DEPDC5: variants seen among roughly 807,000 people sequenced by gnomAD.
DEPDC5 encodes the protein GATOR1 complex protein DEPDC5.
In DEPDC5, 73 loss-of-function variants were observed where a neutral mutation model predicts 217.3. The observed-to-expected ratio is 0.34, with a 90% CI of 0.28 to 0.41. The LOEUF is 0.41. Among genes scored for constraint, DEPDC5 ranks in the 10% least tolerant of loss-of-function variants. DEPDC5 has a pLI of 1.00. For missense variants in DEPDC5, 1,675 were observed against 2,070.1 expected (o/e 0.81, Z 3.70); for synonymous variants, 733 against 756.7 (o/e 0.97, Z 0.51).
At chr22:31,803,342 C>T (rs1275696757) in intron 15 of DEPDC5, among the ~76,000 whole-genome samples, 1 of 152,084 alleles carries the variant, frequency 6.6e-6, no homozygotes, top group Non-Finnish European at 1.5e-5. Flanking sequence ...TCCCAAGTAG[C>T]TGGGACTACA....
intron 24 of DEPDC5, among the ~76,000 whole-genome samples, chr22:31,828,062 C>T (rs957429842): frequency 6.6e-6 from 1 of 152,196 alleles, no homozygotes; most frequent in Non-Finnish European, 1.5e-5. Context: ...TGCCACCTGG[C>T]ATGCTAGATT....
At position 31,906,040 on chromosome 22, in the gene DEPDC5, A is replaced by G; in HGVS notation, c.4493A>G (p.Asn1498Ser). The change falls in exon 42 of 43, where the codon AAC (asparagine) becomes AGC (serine). Residue 1498 changes from asparagine to serine, a missense_variant. Asn to Ser is a conservative substitution (Grantham distance 46). Around this residue, in one of 11 missense-constraint regions of DEPDC5, gnomAD observed 182 missense variants for 290.1 expected, o/e 0.63. Coordinates refer to ENST00000651528, the MANE Select transcript of DEPDC5 (RefSeq NM_001242896.3). This position sits in a 1 kb window ranked among gnomAD's most constrained non-coding sequence, Gnocchi z 5.1. ...SASAFNFPAE[N>S]KPQYIHVTGT... The stretch of plus-strand genomic sequence containing the variant: ...TCTGCTTTTAACTTCCCTGCTGAGA[A>G]CAAGCCTCAGTATATCCACGTTACA... The G allele has an allele frequency of 6.2e-7, 1 of 1,614,150 alleles. No individual in the cohort carries two copies.
intron 38 of DEPDC5, chr22:31,880,287 A>G (rs1280130542): frequency 6.2e-6 from 1 of 161,224 alleles, no homozygotes; most frequent in African/African-American, 2.4e-5. Flanking sequence ...CCATTCCTGC[A>G]GCTCTAAGAT....
At position 31,784,866 on chromosome 22, in the gene DEPDC5, C is replaced by T; in HGVS notation, c.615C>T (p.Thr205=). The T allele has an allele frequency of 6.2e-7, 1 of 1,612,374 alleles. No individual in the cohort carries two copies. Among genetic ancestry groups the T allele is most frequent in the Non-Finnish European group, 8.5e-7 (1 of 1,179,352 alleles). The stretch of plus-strand genomic sequence containing the variant: ...ATGGTTTCCTTGCTGATCTATTTAC[C>T]AAGTGGAAGGTACATTTCTTCTTAC... ...AVNGFLADLF[T]KWKEKNCSHE... is the part of the protein sequence containing the mutation. Residue 205 remains threonine, a synonymous_variant, in exon 10 of 43, where the codon ACC becomes ACT. Transcript: ENST00000651528.
intron 34 of DEPDC5, among the ~76,000 whole-genome samples, chr22:31,872,311 C>G (rs1299612369): frequency 6.6e-6 from 1 of 152,200 alleles, no homozygotes; most frequent in South Asian, 2.1e-4. Context: ...TCAGCAGTTC[C>G]TTTAGTCAGT....
intron 38 of DEPDC5, among the ~76,000 whole-genome samples, chr22:31,887,793 A>T (rs1309335212): frequency 3.3e-5 from 5 of 152,104 alleles, no homozygotes; most frequent in Non-Finnish European, 1.5e-5. Flanking sequence ...AGGATATGAG[A>T]GGTTTCTTCC....
intron 15 of DEPDC5, 134 bp from the exon 16 acceptor site, chr22:31,804,028 C>T: frequency 1.3e-6 from 1 of 751,078 alleles, no homozygotes; most frequent in Non-Finnish European, 2.2e-6. Flanking sequence ...GGATAGGCAG[C>T]ACTATGAGGT....
chr22:31,771,174 G>A (rs975889543), intron 7 of DEPDC5, among the ~76,000 whole-genome samples: 1 of 152,038 alleles, frequency 6.6e-6, no homozygotes, highest in Non-Finnish European at 1.5e-5. Flanking sequence ...TTTTAATTAA[G>A]TCATCCCTTC....
chr22:31,764,810 G>A (rs761095684), intron 4 of DEPDC5, among the ~76,000 whole-genome samples, 165 bp from the exon 5 acceptor site: 1 of 152,068 alleles, frequency 6.6e-6, no homozygotes, highest in Non-Finnish European at 1.5e-5. Context: ...CACCTAAAAA[G>A]CAGAGAATTG....
intron 2 of DEPDC5, among the ~76,000 whole-genome samples, chr22:31,757,774 A>T (rs540934595): frequency 6.6e-6 from 1 of 151,780 alleles, no homozygotes; most frequent in Non-Finnish European, 1.5e-5. Context: ...TTATTTATTT[A>T]TTTTTTTGAG....
intron 36 of DEPDC5, 33 bp from the exon 37 acceptor site, chr22:31,876,124 G>A (rs1179530680): frequency 1.2e-6 from 2 of 1,606,254 alleles, no homozygotes; most frequent in Non-Finnish European, 1.7e-6. Flanking sequence ...ATGCCTCTCT[G>A]CAGGAATTTC....
chr22:31,837,458 T>C, intron 26 of DEPDC5: 1 of 418,246 alleles, frequency 2.4e-6, no homozygotes, highest in Admixed American at 4.1e-5. Flanking sequence ...ACAAACAGTC[T>C]TTCCACCTCA....
chr22:31,842,373 C>G (rs1354268947), intron 27 of DEPDC5, among the ~76,000 whole-genome samples: 1 of 152,044 alleles, frequency 6.6e-6, no homozygotes, highest in Non-Finnish European at 1.5e-5. Context: ...GTTGGGAGTT[C>G]AAGACCAGCC....
chr22:31,891,295 A>G (rs985200356), intron 38 of DEPDC5: 14 of 494,914 alleles, frequency 2.8e-5, no homozygotes, highest in Non-Finnish European at 4.6e-5. Flanking sequence ...CATATCACTT[A>G]AAATCATTAT....
chr22:31,817,811 A>G (rs1338129996), intron 21 of DEPDC5, among the ~76,000 whole-genome samples: 1 of 151,502 alleles, frequency 6.6e-6, no homozygotes, highest in African/African-American at 2.4e-5. Context: ...TTTTTTTACT[A>G]GGTTTTTCTC....
At chr22:31,882,806 T>C (rs1460901432) in intron 38 of DEPDC5, among the ~76,000 whole-genome samples, 1 of 152,138 alleles carries the variant, frequency 6.6e-6, no homozygotes, top group African/African-American at 2.4e-5. Flanking sequence ...TTTTTAAAAA[T>C]AGAGACAGGG....
intron 7 of DEPDC5, among the ~76,000 whole-genome samples, chr22:31,770,745 C>T (rs1486822181): frequency 6.6e-6 from 1 of 150,562 alleles, no homozygotes; most frequent in East Asian, 2.0e-4. Flanking sequence ...AGTGGGGTCA[C>T]AGGGTGCAGT....
chr22:31,837,962 C>G (rs2091136718), intron 26 of DEPDC5, among the ~76,000 whole-genome samples: 1 of 152,118 alleles, frequency 6.6e-6, no homozygotes, highest in African/African-American at 2.4e-5. Flanking sequence ...CTCGGCCTCC[C>G]AAAGTGCTGG....
chr22:31,883,026 GC>G (rs2093218000), intron 38 of DEPDC5, among the ~76,000 whole-genome samples: 1 of 152,160 alleles, frequency 6.6e-6, no homozygotes, highest in Non-Finnish European at 1.5e-5. Flanking sequence ...CTCAACTTCA[GC>G]ACTACTGACA....
Sources: gnomAD v4.1 joint callset for allele counts (sites outside exome capture counted in the v4.1 genomes callset) on GRCh38, gnomAD v4.1.1 for gene constraint, gnomAD v4.1.1 regional missense constraint, Gnocchi (gnomAD v3.1) non-coding constraint, MANE v1.5 for transcripts, NCBI Gene and HGNC (gene_info 2026-07-23, HGNC 2026-07-21) for gene names.